KHDRBS2: variants seen among roughly 807,000 people sequenced by gnomAD.
KHDRBS2 encodes KH domain-containing, RNA-binding, signal transduction-associated protein 2.
KHDRBS2 carries 26 observed loss-of-function variants against 44.3 expected under a neutral mutation model. The observed-to-expected ratio is 0.59, with a 90% CI of 0.43 to 0.81. The LOEUF (loss-of-function observed/expected upper bound fraction) is 0.81, where lower values mean the gene tolerates loss of function less well. Ranked by LOEUF, KHDRBS2 falls within the 40% of genes least tolerant of loss-of-function variation. The pLI, the probability that KHDRBS2 is intolerant of heterozygous loss-of-function variation, is 0.00. For missense variants in KHDRBS2, 476 were observed against 433.1 expected, an observed-to-expected ratio of 1.10 and a Z score of -0.88; for synonymous variants, 194 against 151.1, an observed-to-expected ratio of 1.28 and a Z score of -2.08.
chr6:61,587,042 T>G, the KHDRBS2 span, among the ~76,000 whole-genome samples: 16 of 152,164 alleles, frequency 1.1e-4, no homozygotes, highest in Non-Finnish European at 1.6e-4. Flanking sequence ...CCATTTTTAT[T>G]CTCTTTTCAG....
At chr6:62,103,279 T>A (rs1051523045) in intron 2 of KHDRBS2, among the ~76,000 whole-genome samples, 1 of 152,002 alleles carries the variant, frequency 6.6e-6, no homozygotes, top group East Asian at 1.9e-4. Context: ...GAGATCAACA[T>A]GTAGTCTGCT....
At chr6:62,251,377 A>G (rs1836500714) in intron 1 of KHDRBS2, among the ~76,000 whole-genome samples, 1 of 151,918 alleles carries the variant, frequency 6.6e-6, no homozygotes, top group Non-Finnish European at 1.5e-5. Flanking sequence ...ATTTGGGTAA[A>G]GGGTATATTG....
At chr6:62,127,219 T>C (rs930326176) in intron 2 of KHDRBS2, among the ~76,000 whole-genome samples, 14 of 152,156 alleles carry the variant, frequency 9.2e-5, no homozygotes, top group African/African-American at 3.4e-4. Context: ...TTGTCATGTA[T>C]ATATTGAAAG....
chr6:61,634,306 G>A, the KHDRBS2 span, among the ~76,000 whole-genome samples: 6 of 151,448 alleles, frequency 4.0e-5, no homozygotes, highest in Non-Finnish European at 5.9e-5. Context: ...GGGACCCTTG[G>A]AAACCACTTC....
At chr6:62,126,689 C>T (rs527421506) in intron 2 of KHDRBS2, among the ~76,000 whole-genome samples, 32 of 152,286 alleles carry the variant, frequency 2.1e-4, no homozygotes, top group African/African-American at 7.7e-4. Flanking sequence ...ATTTTGCCTC[C>T]TTCTTAAGAA....
At chr6:61,572,747 A>C in the KHDRBS2 span, among the ~76,000 whole-genome samples, 1 of 152,224 alleles carries the variant, frequency 6.6e-6, no homozygotes, top group Non-Finnish European at 1.5e-5. Context: ...ATACAGAAAA[A>C]GCATTTGATA....
At chr6:61,949,094 A>T (rs906030752) in intron 4 of KHDRBS2, among the ~76,000 whole-genome samples, 1 of 152,034 alleles carries the variant, frequency 6.6e-6, no homozygotes, top group East Asian at 1.9e-4. Context: ...TGCTATAAAC[A>T]TCCAGGACCA....
intron 3 of KHDRBS2, among the ~76,000 whole-genome samples, chr6:62,000,396 T>A (rs1778015069): frequency 6.6e-6 from 1 of 152,154 alleles, no homozygotes; most frequent in African/African-American, 2.4e-5. Context: ...TTGATTGGAT[T>A]TGGAATGTAA....
chr6:62,097,187 T>C (rs981246777), intron 2 of KHDRBS2, among the ~76,000 whole-genome samples: 2 of 151,828 alleles, frequency 1.3e-5, no homozygotes, highest in Non-Finnish European at 2.9e-5. Flanking sequence ...TGCTGTTGAG[T>C]AGAGTGCGTA....
At chr6:61,735,575 G>T (rs73759526) in intron 6 of KHDRBS2, among the ~76,000 whole-genome samples, 1 of 152,098 alleles carries the variant, frequency 6.6e-6, no homozygotes, top group Non-Finnish European at 1.5e-5. Context: ...AGCTAGCATA[G>T]TTCCCCAACC....
At chr6:62,050,547 T>TATCTATA (rs1788778767) in intron 2 of KHDRBS2, among the ~76,000 whole-genome samples, 1 of 151,880 alleles carries the variant, frequency 6.6e-6, no homozygotes, top group African/African-American at 2.4e-5. Context: ...AAATGACTAA[T>TATCTATA]ATCTATAATC....
chr6:61,832,045 A>G (rs1420392345), intron 6 of KHDRBS2, among the ~76,000 whole-genome samples: 1 of 152,148 alleles, frequency 6.6e-6, no homozygotes, highest in Non-Finnish European at 1.5e-5. Flanking sequence ...GTTTGAGATG[A>G]GCCTGGGCAA....
At chr6:61,685,530 C>CT (rs1157816887) in intron 8 of KHDRBS2, among the ~76,000 whole-genome samples, 1 of 151,782 alleles carries the variant, frequency 6.6e-6, no homozygotes, top group Non-Finnish European at 1.5e-5. Flanking sequence ...GTCAATATTT[C>CT]TTTCAAAAGT....
chr6:62,166,916 C>G (rs913663679), intron 2 of KHDRBS2, among the ~76,000 whole-genome samples: 3 of 151,924 alleles, frequency 2.0e-5, no homozygotes, highest in African/African-American at 7.3e-5. Context: ...AACAAACAAA[C>G]AAATGAACAA....
intron 4 of KHDRBS2, among the ~76,000 whole-genome samples, chr6:61,973,773 C>T (rs1233980887): frequency 6.6e-6 from 1 of 152,060 alleles, no homozygotes; most frequent in Non-Finnish European, 1.5e-5. Context: ...AGACTTAAGC[C>T]TGGCATGGCA....
In KHDRBS2 at chr6:61,901,383, A is replaced by G. The variant is rs762429922; in HGVS notation, c.484-12T>C. On this transcript the variant is annotated splice_polypyrimidine_tract_variant and intron_variant, in intron 4 of 8. Transcript: ENST00000281156. ...TCATCATTGTAGTCCTGGAGAAAAA[A>G]CATGATGTGATGAGTTAAAAATGGG... The G allele has an allele frequency of 6.2e-7, 1 of 1,608,852 alleles. No homozygotes were observed. Among genetic ancestry groups the G allele is most frequent in the Non-Finnish European group, 8.5e-7 (1 of 1,177,620 alleles).
chr6:61,832,364 C>A (rs943492520), intron 6 of KHDRBS2, among the ~76,000 whole-genome samples: 1 of 152,108 alleles, frequency 6.6e-6, no homozygotes, highest in Non-Finnish European at 1.5e-5. Context: ...GGCCTATATA[C>A]CCTCTTATCT....
intron 6 of KHDRBS2, among the ~76,000 whole-genome samples, chr6:61,808,896 AATAAAGGGAAGAAAAAAGTAGAATGT>A (rs1482596678): frequency 6.6e-6 from 1 of 151,992 alleles, no homozygotes; most frequent in Non-Finnish European, 1.5e-5. Flanking sequence ...ATATAAAAGG[AATAAAGGGAAGAAAAAAGTAGAATGT>A]TAAATGAAAT....
At chr6:61,799,272 G>A (rs558649618) in intron 6 of KHDRBS2, among the ~76,000 whole-genome samples, 19 of 151,940 alleles carry the variant, frequency 1.3e-4, no homozygotes, top group Non-Finnish European at 2.4e-4. Context: ...TGAATAACTC[G>A]AGGGCTTTTC....
Sources: gnomAD v4.1 joint callset for allele counts (sites outside exome capture counted in the v4.1 genomes callset) on GRCh38, gnomAD v4.1.1 for gene constraint, MANE v1.5 for transcripts, NCBI Gene and HGNC (gene_info 2026-07-23, HGNC 2026-07-21) for gene names.